MARCHF1: variants seen among roughly 807,000 people sequenced by gnomAD.
The protein encoded by MARCHF1 is E3 ubiquitin-protein ligase MARCHF1.
MARCHF1 carries 40 observed loss-of-function variants against 54.2 expected under a neutral mutation model. The ratio of observed to expected loss-of-function variants is 0.74; its 90% CI spans 0.57 to 0.96. The LOEUF is 0.96. Among genes scored for constraint, MARCHF1 ranks in the 40% least tolerant of loss-of-function variants. The pLI, the probability that MARCHF1 is intolerant of heterozygous loss-of-function variation, is 0.00. For missense variants in MARCHF1, 586 were observed against 656.5 expected, an observed-to-expected ratio of 0.89 and a Z score of 1.17; for synonymous variants, 236 against 236.3, an observed-to-expected ratio of 1.00 and a Z score of 0.01.
intron 1 of MARCHF1, among the ~76,000 whole-genome samples, chr4:164,190,793 A>G (rs1264164956): frequency 1.3e-5 from 2 of 152,166 alleles, no homozygotes; most frequent in Admixed American, 6.5e-5. Flanking sequence ...TTATATTTGC[A>G]TGATAGGAAG....
chr4:163,564,873 CTT>C (rs34689838), intron 8 of MARCHF1, among the ~76,000 whole-genome samples: 2 of 147,602 alleles, frequency 1.4e-5, no homozygotes, highest in Non-Finnish European at 3.0e-5. Context: ...TGGGGAAACA[CTT>C]TTTTTTTTTC....
intron 1 of MARCHF1, among the ~76,000 whole-genome samples, chr4:164,261,099 A>G (rs1733448765): frequency 6.6e-6 from 1 of 152,128 alleles, no homozygotes; most frequent in South Asian, 2.1e-4. Context: ...CTGTGCTGTC[A>G]CAAGCCAAGG....
In MARCHF1 at chr4:164,118,705, T is replaced by C. The variant is rs141908583; in HGVS notation, c.-322-7043A>G. 1.1e-3 allele frequency among the ~76,000 whole-genome samples: 164 copies of C among 151,510 alleles called. 1 individual carries two copies. Among genetic ancestry groups the C allele is most frequent in the African/African-American group, 3.8e-3 (157 of 41,328 alleles). ...GATTAAGAAAAGCAAAATATAAATATGTGTGAAGGTATTACAGTAAATGCA... is the reference window on the plus strand; with the variant it reads ...GATTAAGAAAAGCAAAATATAAATACGTGTGAAGGTATTACAGTAAATGCA... On this transcript the variant is annotated intron_variant, in intron 1 of 9. Coordinates refer to ENST00000514618, the MANE Select transcript of MARCHF1 (RefSeq NM_001394959.1).
chr4:163,580,802 T>TGATGTTTAAAGAGAGAATGTCTCAGC (rs1339344589), intron 8 of MARCHF1, among the ~76,000 whole-genome samples: 3 of 121,244 alleles, frequency 2.5e-5, no homozygotes, highest in South Asian at 2.7e-4. Flanking sequence ...ATTAAAGTTT[T>TGATGTTTAAAGAGAGAATGTCTCAGC]TTTTTTTTTT....
At chr4:163,587,562 A>C (rs1191284365) in intron 7 of MARCHF1, among the ~76,000 whole-genome samples, 2 of 152,194 alleles carry the variant, frequency 1.3e-5, no homozygotes, top group Admixed American at 6.5e-5. Flanking sequence ...TAGGAGCTAA[A>C]TATTATGTAC....
chr4:163,805,701 T>C (rs969703381), intron 4 of MARCHF1, among the ~76,000 whole-genome samples: 1 of 152,206 alleles, frequency 6.6e-6, no homozygotes, highest in African/African-American at 2.4e-5. Flanking sequence ...TTGTACCATA[T>C]TGCCTCTTTA....
At chr4:164,272,939 A>G (rs1579679339) in intron 1 of MARCHF1, among the ~76,000 whole-genome samples, 1 of 152,222 alleles carries the variant, frequency 6.6e-6, no homozygotes, top group Admixed American at 6.5e-5. Context: ...ATGTATGTAC[A>G]TGATGTATGC....
rs114247936 is a variant in MARCHF1, at chr4:163,781,745, C to T, written c.111+72276G>A. Among the ~76,000 whole-genome samples the T allele has an allele frequency of 3.8e-3, 585 of 152,070 alleles. 3 individuals carry two copies. Among genetic ancestry groups the T allele is most frequent in the African/African-American group, 0.013 (544 of 41,476 alleles). On this transcript the variant is annotated intron_variant, in intron 4 of 9. Coordinates refer to ENST00000514618, the MANE Select transcript of MARCHF1 (RefSeq NM_001394959.1). The stretch of plus-strand genomic sequence containing the variant: ...CTGCAGCAGGAGTAAGGAGAAAACA[C>T]GGAAAAGAGAAGGAATAATTTAAAA...
At chr4:163,986,168 C>T (rs1752857868) in intron 3 of MARCHF1, among the ~76,000 whole-genome samples, 1 of 147,796 alleles carries the variant, frequency 6.8e-6, no homozygotes, top group African/African-American at 2.5e-5. Context: ...GCTTCCCTTT[C>T]TGATATTCAG....
chr4:163,857,988 T>C (rs990091809), intron 3 of MARCHF1, among the ~76,000 whole-genome samples: 1 of 150,880 alleles, frequency 6.6e-6, no homozygotes, highest in African/African-American at 2.4e-5. Context: ...ATGGCTGATT[T>C]TGGAAGACTT....
At chr4:163,771,197 C>A (rs751821845) in intron 4 of MARCHF1, among the ~76,000 whole-genome samples, 6 of 152,048 alleles carry the variant, frequency 3.9e-5, no homozygotes, top group Non-Finnish European at 8.8e-5. Flanking sequence ...TGGTGTCATC[C>A]CTCAGGGGCA....
At chr4:164,136,727 C>T (rs1756410675) in intron 1 of MARCHF1, among the ~76,000 whole-genome samples, 1 of 152,166 alleles carries the variant, frequency 6.6e-6, no homozygotes, top group Non-Finnish European at 1.5e-5. Flanking sequence ...GCTGGCTTCC[C>T]ATGAACACAC....
At chr4:164,020,667 C>T in intron 2 of MARCHF1, among the ~76,000 whole-genome samples, 1 of 152,196 alleles carries the variant, frequency 6.6e-6, no homozygotes, top group South Asian at 2.1e-4. Flanking sequence ...TGCCATGGCT[C>T]ATGCCTGTAA....
At chr4:163,693,776 C>A (rs562687187) in intron 5 of MARCHF1, among the ~76,000 whole-genome samples, 9 of 152,284 alleles carry the variant, frequency 5.9e-5, no homozygotes, top group Admixed American at 5.2e-4. Flanking sequence ...GTCCAGTAGG[C>A]AGAGCAGCAA....
intron 1 of MARCHF1, among the ~76,000 whole-genome samples, chr4:164,162,823 C>G (rs549733527): frequency 2.6e-4 from 40 of 151,730 alleles, no homozygotes; most frequent in Middle Eastern, 6.8e-3. Context: ...CAGTATTTAG[C>G]GAAATTATGA....
In MARCHF1 at chr4:163,840,801, C is replaced by G. The variant is rs181118762; in HGVS notation, c.111+13220G>C. Among the ~76,000 whole-genome samples the G allele has an allele frequency of 4.5e-3, 686 of 152,114 alleles. 9 individuals carry two copies. The highest frequency in any genetic ancestry group is 4.9e-3 in the Non-Finnish European group (330 of 67,972). ...CTGACCCCCAACACAGAGATACATA[C>G]TCATAACTATGTTAAGTAATGAATA... On this transcript the variant is annotated intron_variant, in intron 4 of 9. Transcript: ENST00000514618.
chr4:164,092,890 T>C (rs1052016664), intron 2 of MARCHF1, among the ~76,000 whole-genome samples: 1 of 152,132 alleles, frequency 6.6e-6, no homozygotes, highest in Non-Finnish European at 1.5e-5. Flanking sequence ...AAAGCTTCTC[T>C]TATTCCACAT....
chr4:163,986,055 C>T (rs1000404804), intron 3 of MARCHF1, among the ~76,000 whole-genome samples: 4 of 151,628 alleles, frequency 2.6e-5, no homozygotes, highest in Non-Finnish European at 5.9e-5. Flanking sequence ...ACAAGTTATT[C>T]GGCGGCCTAC....
Position 164,341,374 on chromosome 4 carries a change from A to T in MARCHF1, c.-323+42496T>A, listed in dbSNP as rs1729923793. Among the ~76,000 whole-genome samples, 7 of 152,126 alleles carry T rather than the reference A, an allele frequency of 4.6e-5. 1 individual carries two copies. The South Asian group carries it at 1.4e-3, about 31-fold the overall frequency. Reference sequence around the variant, plus strand: ...CAAGAATGTCCCCTCTACCACTTCTATTCAACATGGCACTAGAAGTCCTAG... The same window carrying T: ...CAAGAATGTCCCCTCTACCACTTCTTTTCAACATGGCACTAGAAGTCCTAG... On this transcript the variant is annotated intron_variant, in intron 1 of 9. Coordinates refer to ENST00000514618, the MANE Select transcript of MARCHF1 (RefSeq NM_001394959.1).
Sources: gnomAD v4.1 joint callset for allele counts (sites outside exome capture counted in the v4.1 genomes callset) on GRCh38, gnomAD v4.1.1 for gene constraint, MANE v1.5 for transcripts, NCBI Gene and HGNC (gene_info 2026-07-23, HGNC 2026-07-21) for gene names.